Variants in WDFY4 observed in about 807,000 individuals in gnomAD.
The protein encoded by WDFY4 is WD repeat- and FYVE domain-containing protein 4.
A neutral mutation model predicts 351.9 loss-of-function variants in WDFY4; 169 were observed. The observed-to-expected ratio is 0.48, with a 90% CI of 0.42 to 0.55. WDFY4 has a LOEUF of 0.55. Among genes scored for constraint, WDFY4 ranks in the 20% least tolerant of loss-of-function variants. WDFY4 has a pLI of 0.00. For missense variants in WDFY4, 3,803 were observed against 3,935.6 expected, an observed-to-expected ratio of 0.97 and a Z score of 0.90; for synonymous variants, 1,622 against 1,574.6, an observed-to-expected ratio of 1.03 and a Z score of -0.71.
chr10:48,947,025 C>CACACACA, intron 51 of WDFY4, 56 bp downstream of exon 51: 1 of 1,303,322 alleles, frequency 7.7e-7, no homozygotes, highest in Non-Finnish European at 1.1e-6. Flanking sequence ...CACACATACG[C>CACACACA]CTGTATCACA....
At chr10:48,788,160 T>C (rs945005812) in intron 20 of WDFY4, among the ~76,000 whole-genome samples, 3 of 151,834 alleles carry the variant, frequency 2.0e-5, no homozygotes, top group Non-Finnish European at 4.4e-5. Context: ...GCCAAGTAGC[T>C]GGGACTACAG....
chr10:48,720,238 GCCAAAGAGAAGTAGGC>G, intron 3 of WDFY4, 113 bp downstream of exon 3: 1 of 1,104,056 alleles, frequency 9.1e-7, no homozygotes, highest in Non-Finnish European at 1.3e-6. Flanking sequence ...AGTGTTGCCT[GCCAAAGAGAAGTAGGC>G]CCCACTCTGC....
intron 8 of WDFY4, among the ~76,000 whole-genome samples, chr10:48,730,268 A>G (rs1311616170): frequency 2.0e-5 from 3 of 152,234 alleles, no homozygotes; most frequent in Admixed American, 2.0e-4. Context: ...AGGCTGGGTG[A>G]GTCTGGGAAG....
intron 37 of WDFY4, among the ~76,000 whole-genome samples, chr10:48,829,266 T>C (rs191425177): frequency 8.1e-4 from 124 of 152,316 alleles, no homozygotes; most frequent in African/African-American, 2.9e-3. Context: ...TCTCACCTAA[T>C]TTAGTTCAAG....
At chr10:48,913,313 G>A (rs775852896) in intron 47 of WDFY4, 150 of 1,382,664 alleles carry the variant, frequency 1.1e-4, no homozygotes, top group Middle Eastern at 6.3e-4. Flanking sequence ...GGAGCCCTTG[G>A]TTTCCTGTGG....
intron 12 of WDFY4, among the ~76,000 whole-genome samples, chr10:48,746,486 T>C (rs2065018825): frequency 6.6e-6 from 1 of 152,198 alleles, no homozygotes; most frequent in South Asian, 2.1e-4. Flanking sequence ...GGAACCACTT[T>C]TGTTGGTTTT....
intron 39 of WDFY4, among the ~76,000 whole-genome samples, chr10:48,859,699 G>A (rs2069267554): frequency 6.6e-6 from 1 of 152,016 alleles, no homozygotes; most frequent in Admixed American, 6.6e-5. Flanking sequence ...TTGTTATCAG[G>A]CTATTGTTAG....
chr10:48,772,411 G>A (rs898502165), intron 13 of WDFY4, among the ~76,000 whole-genome samples: 21 of 151,840 alleles, frequency 1.4e-4, no homozygotes, highest in South Asian at 2.1e-4. Context: ...ACGCGTGTGC[G>A]TGTGTATGTA....
intron 4 of WDFY4, among the ~76,000 whole-genome samples, chr10:48,722,966 T>A (rs909600633): frequency 6.6e-6 from 1 of 152,116 alleles, no homozygotes; most frequent in Non-Finnish European, 1.5e-5. Flanking sequence ...AGATGAGAGG[T>A]TGGGGAGGGG....
chr10:48,704,083 G>A (rs575171674), intron 1 of WDFY4, among the ~76,000 whole-genome samples: 8 of 152,232 alleles, frequency 5.3e-5, no homozygotes, highest in African/African-American at 1.9e-4. Flanking sequence ...ACAGACTCTG[G>A]GCTCCTGTGG....
chr10:48,709,833 G>T lies in WDFY4; in HGVS notation c.101G>T (p.Gly34Val). Residue 34 changes from glycine (G) to valine (V), a missense_variant, in exon 2 of 62, where the codon GGA becomes GTA. This residue lies in a region of WDFY4 where 488 missense variants were observed against 456.8 expected (regional missense o/e 1.07). Transcript: ENST00000325239. ...LAAVQPDVPHGGQSSSPTALW... is the reference protein window; with the variant it reads ...LAAVQPDVPHVGQSSSPTALW... The stretch of plus-strand genomic sequence containing the variant: ...GCTGTGCAGCCTGATGTCCCACATG[G>T]AGGGCAGTCCTCCAGCCCCACAGCT... 6.4e-7 allele frequency: 1 copy of T among 1,551,886 alleles called. No homozygotes were observed. The highest frequency in any genetic ancestry group is 8.7e-7 in the Non-Finnish European group (1 of 1,147,022).
At chr10:48,700,677 G>A (rs1250458745) in intron 1 of WDFY4, among the ~76,000 whole-genome samples, 2 of 152,242 alleles carry the variant, frequency 1.3e-5, no homozygotes, top group African/African-American at 4.8e-5. Context: ...CTCCACCTGG[G>A]GGTGGGAGTG....
chr10:48,928,026 CT>C (rs1465091944), intron 47 of WDFY4, among the ~76,000 whole-genome samples: 1 of 152,214 alleles, frequency 6.6e-6, no homozygotes, highest in Non-Finnish European at 1.5e-5. Flanking sequence ...CCCTTTGAAG[CT>C]CATGAGGTGA....
intron 47 of WDFY4, among the ~76,000 whole-genome samples, chr10:48,922,359 G>A (rs751721566): frequency 6.6e-6 from 1 of 152,112 alleles, no homozygotes; most frequent in Non-Finnish European, 1.5e-5. Flanking sequence ...TAGTGATGCT[G>A]GTAGTTCAGA....
intron 7 of WDFY4, among the ~76,000 whole-genome samples, chr10:48,729,001 C>T (rs555045581): frequency 6.6e-6 from 1 of 152,322 alleles, no homozygotes; most frequent in Admixed American, 6.5e-5. Context: ...GGACAGCCTA[C>T]CTGCCCATAA....
chr10:48,813,992 G>A lies in WDFY4; in HGVS notation c.5250G>A (p.Gln1750=). 2 of 1,550,438 alleles carry A rather than the reference G, an allele frequency of 1.3e-6. No individual in the cohort carries two copies. The highest frequency in any genetic ancestry group is 1.7e-6 in the Non-Finnish European group (2 of 1,146,290). The stretch of plus-strand genomic sequence containing the variant: ...ATGCCATGCTTCAGTGGCTCCTGCA[G>A]AGGCACCACCAGGAAGAAGTCCTCC... The part of the protein sequence containing the change: ...SLDAMLQWLL[Q]RHHQEEVLQA... Residue 1750 remains glutamine (Q), a synonymous_variant, in exon 31 of 62, where the codon CAG becomes CAA. Coordinates refer to ENST00000325239, the MANE Select transcript of WDFY4 (RefSeq NM_001394531.1).
chr10:48,826,417 G>GA (rs2068014607), intron 35 of WDFY4, among the ~76,000 whole-genome samples: 1 of 151,610 alleles, frequency 6.6e-6, no homozygotes, highest in Non-Finnish European at 1.5e-5. Flanking sequence ...CTCCAGCTTT[G>GA]TTTTTTTTGC....
At position 48,840,520 on chromosome 10, in the gene WDFY4, C is replaced by T. The variant is rs1038204576; in HGVS notation, c.6663+7811C>T. On this transcript the variant is annotated intron_variant, in intron 39 of 61. Transcript: ENST00000325239. ...TCACACACACACACGTGTATATGCA[C>T]ACCCCCACCCACACACACATAGACA... is the stretch of plus-strand genomic sequence containing the variant. Among the ~76,000 whole-genome samples the T allele has an allele frequency of 5.9e-5, 9 of 152,134 alleles. 1 individual carries two copies. Among genetic ancestry groups the T allele is most frequent in the African/African-American group, 2.2e-4 (9 of 41,482 alleles).
At chr10:48,821,233 A>G in intron 34 of WDFY4, 57 bp downstream of exon 34, 1 of 1,381,432 alleles carries the variant, frequency 7.2e-7, no homozygotes, top group Non-Finnish European at 1.0e-6. Context: ...GACAGTGGAG[A>G]GGAAACCAGC....
Sources: allele counts gnomAD v4.1 joint callset (sites outside exome capture counted in the v4.1 genomes callset), GRCh38; gene constraint gnomAD v4.1.1; regional missense constraint gnomAD v4.1.1; transcripts MANE v1.5; gene names NCBI Gene and HGNC (gene_info 2026-07-23, HGNC 2026-07-21).